LMOD2: variants seen among roughly 807,000 people sequenced by gnomAD.
LMOD2 encodes leiomodin-2.
LMOD2 carries 27 observed loss-of-function variants against 41.7 expected under a neutral mutation model. That is an observed-to-expected ratio of 0.65 (90% CI 0.48 to 0.89). The LOEUF is 0.89. LMOD2 is among the 40% of genes least tolerant of loss of function. The pLI, the probability that LMOD2 is intolerant of heterozygous loss-of-function variation, is 0.00. For missense variants in LMOD2, 624 were observed against 667.9 expected (o/e 0.93, Z 0.72); for synonymous variants, 251 against 244.6 (o/e 1.03, Z -0.25).
At position 123,662,918 on chromosome 7, in the gene LMOD2, T is replaced by C. The variant is rs1203392760; in HGVS notation, c.1332T>C (p.Pro444=). ...SSQRLPPPPP[P]PPPPLPEKKL... is the part of the protein sequence containing the mutation. Reference sequence around the variant, plus strand: ...AAAGGCTGCCACCACCTCCTCCTCCTCCCCCTCCTCCACTCCCAGAGAAAA... The same window carrying C: ...AAAGGCTGCCACCACCTCCTCCTCCCCCCCCTCCTCCACTCCCAGAGAAAA... The change falls in exon 2 of 3, where the codon CCT becomes CCC. Residue 444 remains proline (P), a synonymous_variant. Coordinates refer to ENST00000458573, the MANE Select transcript of LMOD2 (RefSeq NM_207163.3). The surrounding 1 kb of genome is among the most constrained non-coding windows in gnomAD (Gnocchi z 4.0). The C allele has an allele frequency of 5.4e-6, 7 of 1,287,712 alleles. No individual in the cohort carries two copies. The African/African-American group carries it at 1.4e-4, about 25-fold the overall frequency. The allele number at this position is 1,287,712 out of a possible 1,614,324, so 79.8% of individuals were successfully genotyped here.
rs917052173 is a variant in LMOD2 at position 123,663,202 on chromosome 7, G to A, written c.1616G>A (p.Arg539Gln). 27 of 1,561,728 alleles carry A rather than the reference G, an allele frequency of 1.7e-5. No individual in the cohort carries two copies. Among genetic ancestry groups the A allele is most frequent in the Middle Eastern group, 1.7e-4 (1 of 5,998 alleles). ...GGAAGCAGCATAAAACAGCTAAAGCGGGTAAGTAACCAGAGAACAGACATA... is the reference window on the plus strand; with the variant it reads ...GGAAGCAGCATAAAACAGCTAAAGCAGGTAAGTAACCAGAGAACAGACATA... ...IRGSSIKQLK[R>Q]VEVPEALR Residue 539 changes from arginine to glutamine, a missense_variant and splice_region_variant, in exon 2 of 3, where the codon CGG (arginine) becomes CAG (glutamine). Arg to Gln is a conservative substitution (Grantham distance 43). Coordinates refer to ENST00000458573, the MANE Select transcript of LMOD2 (RefSeq NM_207163.3).
rs1221606563 is a variant in LMOD2 at position 123,662,251 on chromosome 7, A to G, written c.665A>G (p.Glu222Gly). The change falls in exon 2 of 3, where the codon GAG becomes GGG. Residue 222 changes from glutamate to glycine, a missense_variant. Glu to Gly is a moderately conservative substitution (Grantham distance 98). Transcript: ENST00000458573. The surrounding 1 kb of genome is among the most constrained non-coding windows in gnomAD (Gnocchi z 4.0). Reference sequence around the variant, plus strand: ...ACAGAAGTCAATTTGAACAACATTGAGAACATCACAACACAGACCCTTACC... The same window carrying G: ...ACAGAAGTCAATTTGAACAACATTGGGAACATCACAACACAGACCCTTACC... ...DTTEVNLNNI[E>G]NITTQTLTRF... The G allele has an allele frequency of 6.2e-7, 1 of 1,614,028 alleles. No homozygotes were observed. Among genetic ancestry groups the G allele is most frequent in the East Asian group, 2.2e-5 (1 of 44,872 alleles).
At chr7:123,659,475 G>A (rs576957140) in intron 1 of LMOD2, among the ~76,000 whole-genome samples, 11 of 152,214 alleles carry the variant, frequency 7.2e-5, no homozygotes, top group South Asian at 2.1e-4. Context: ...CAGATTGTCC[G>A]GAACTATCTA....
At position 123,662,346 on chromosome 7, in the gene LMOD2, G is replaced by A. The variant is rs1013882148; in HGVS notation, c.760G>A (p.Asp254Asn). 3.7e-6 allele frequency: 6 copies of A among 1,613,968 alleles called. No individual in the cohort carries two copies. The highest frequency in any genetic ancestry group is 1.3e-5 in the African/African-American group (1 of 75,032). Residue 254 changes from aspartate to asparagine, a missense_variant, in exon 2 of 3, where the codon GAC (aspartate) becomes AAC (asparagine). Physicochemically the swap from Asp to Asn is conservative, Grantham distance 23. Coordinates refer to ENST00000458573, the MANE Select transcript of LMOD2 (RefSeq NM_207163.3). The surrounding 1 kb of genome is among the most constrained non-coding windows in gnomAD (Gnocchi z 4.0). Reference sequence around the variant, plus strand: ...CAGTCTGGCCAACACGCATGCCGACGACAGTGCAGCCATGGCCATTGCAGA... The same window carrying A: ...CAGTCTGGCCAACACGCATGCCGACAACAGTGCAGCCATGGCCATTGCAGA... ...TFSLANTHADDSAAMAIAEML... is the reference protein window; with the variant it reads ...TFSLANTHADNSAAMAIAEML...
Position 123,656,149 on chromosome 7 carries a change from G to A in LMOD2, c.186G>A (p.Gly62=), listed in dbSNP as rs775401249. 7 of 1,609,774 alleles carry A rather than the reference G, an allele frequency of 4.3e-6. No homozygotes were observed. The Admixed American group carries it at 1.0e-4, about 23-fold the overall frequency. Reference sequence around the variant, plus strand: ...GCCTGACAGAGAAAACCCCCACAGGGACATTCAGCAGAGAGGCACTGATGG... The same window carrying A: ...GCCTGACAGAGAAAACCCCCACAGGAACATTCAGCAGAGAGGCACTGATGG... The part of the protein sequence containing the change: ...QKSLTEKTPT[G]TFSREALMAY... Residue 62 remains glycine, a synonymous_variant, in exon 1 of 3, where the codon GGG becomes GGA. Coordinates refer to ENST00000458573, the MANE Select transcript of LMOD2 (RefSeq NM_207163.3).
chr7:123,664,080 A>T lies in LMOD2; in HGVS notation c.*335A>T. 4 of 241,274 alleles carry T rather than the reference A, an allele frequency of 1.7e-5. No homozygotes were observed. 14.9% of individuals were successfully genotyped at this position (241,274 alleles called of 1,614,324 possible). Reference sequence around the variant, plus strand: ...TTGTAATCTCAATAAATGTGGATTGAAGTTTTTTCCCTTTTTTTAAAGCCA... The same window carrying T: ...TTGTAATCTCAATAAATGTGGATTGTAGTTTTTTCCCTTTTTTTAAAGCCA... On this transcript the variant is annotated 3_prime_UTR_variant, in exon 3 of 3. Coordinates refer to ENST00000458573, the MANE Select transcript of LMOD2 (RefSeq NM_207163.3).
intron 1 of LMOD2, among the ~76,000 whole-genome samples, chr7:123,660,635 G>A (rs1031930055): frequency 1.3e-5 from 2 of 151,664 alleles, no homozygotes; most frequent in Non-Finnish European, 2.9e-5. Context: ...AGGGCCTGGA[G>A]GACAGGGCAG....
intron 2 of LMOD2, 162 bp downstream of exon 2, chr7:123,663,365 C>G (rs1286750417): frequency 8.4e-5 from 72 of 861,568 alleles, no homozygotes; most frequent in Non-Finnish European, 1.2e-4. Flanking sequence ...GGAGCAGGCA[C>G]ACAAGTGAGC....
rs777407621 is a variant in LMOD2 at position 123,656,224 on chromosome 7, G to A, written c.261G>A (p.Gly87=). The A allele has an allele frequency of 6.2e-7, 1 of 1,606,736 alleles. No homozygotes were observed. The highest frequency in any genetic ancestry group is 8.5e-7 in the Non-Finnish European group (1 of 1,176,940). Residue 87 remains glycine, a synonymous_variant, in exon 1 of 3, where the codon GGG becomes GGA. Coordinates refer to ENST00000458573, the MANE Select transcript of LMOD2 (RefSeq NM_207163.3). ...SQKLLEKERL[G]ECGKVAEDKE... is the part of the protein sequence containing the mutation. ...AACTCTTGGAGAAGGAGAGGCTGGGGGAATGTGGAAAGGTAGGCTCTCGGG... is the reference window on the plus strand; with the variant it reads ...AACTCTTGGAGAAGGAGAGGCTGGGAGAATGTGGAAAGGTAGGCTCTCGGG...
At chr7:123,660,744 T>TA (rs1170853592) in intron 1 of LMOD2, among the ~76,000 whole-genome samples, 2 of 151,546 alleles carry the variant, frequency 1.3e-5, no homozygotes, top group East Asian at 1.9e-4. Flanking sequence ...TTTTTTTTTT[T>TA]AATCAGAAAA....
chr7:123,663,142 G>T lies in LMOD2; in HGVS notation c.1556G>T (p.Arg519Ile), dbSNP rs796557018. Residue 519 changes from arginine (R) to isoleucine (I), a missense_variant, in exon 2 of 3, where the codon AGA becomes ATA. Physicochemically the swap from Arg to Ile is moderately conservative, Grantham distance 97. Transcript: ENST00000458573. Reference sequence around the variant, plus strand: ...AGTTCCCGACCTTCTACCCCACAGAGATCAGCTCATGAGAATCTCATGGAA... The same window carrying T: ...AGTTCCCGACCTTCTACCCCACAGATATCAGCTCATGAGAATCTCATGGAA... ...EDSSRPSTPQ[R>I]SAHENLMEAI... 4 of 1,570,024 alleles carry T rather than the reference G, an allele frequency of 2.5e-6. No homozygotes were observed. The highest frequency in any genetic ancestry group is 3.5e-6 in the Non-Finnish European group (4 of 1,157,336).
rs560254502 is a variant in LMOD2, at chr7:123,661,803, T to C, written c.274-57T>C. Reference sequence around the variant, plus strand: ...TGTGCTACTTTTGCAAGTTAAAAAATGTACTTAAAAATGGTATCATTTTTA... The same window carrying C: ...TGTGCTACTTTTGCAAGTTAAAAAACGTACTTAAAAATGGTATCATTTTTA... On this transcript the variant is annotated intron_variant, in intron 1 of 2. Coordinates refer to ENST00000458573, the MANE Select transcript of LMOD2 (RefSeq NM_207163.3). The C allele has an allele frequency of 4.2e-6, 5 of 1,185,730 alleles. No homozygotes were observed. In the East Asian group the frequency reaches 1.3e-4, roughly 31 times the overall value. 73.5% of individuals were successfully genotyped at this position (1,185,730 alleles called of 1,614,324 possible). A position where few individuals can be genotyped will look rare whatever the true frequency, so the allele number is the denominator to read the frequency against.
chr7:123,656,324 T>A, intron 1 of LMOD2, 88 bp downstream of exon 1: 1 of 1,349,634 alleles, frequency 7.4e-7, no homozygotes, highest in Non-Finnish European at 1.0e-6. Context: ...AACTTCTCAA[T>A]CCTCATCACT....
intron 1 of LMOD2, among the ~76,000 whole-genome samples, chr7:123,660,781 G>T (rs1176922725): frequency 1.3e-5 from 2 of 151,882 alleles, no homozygotes. Flanking sequence ...GAAACAAGGG[G>T]TCACTTGAGC....
At chr7:123,660,704 G>C (rs1444373671) in intron 1 of LMOD2, among the ~76,000 whole-genome samples, 2 of 151,164 alleles carry the variant, frequency 1.3e-5, no homozygotes, top group African/African-American at 4.9e-5. Context: ...AGGAGAAAAA[G>C]ATTAGACTCT....
At position 123,663,831 on chromosome 7, in the gene LMOD2, A is replaced by G; in HGVS notation, c.*86A>G. 1 of 1,071,030 alleles carries G rather than the reference A, an allele frequency of 9.3e-7. No homozygotes were observed. Among genetic ancestry groups the G allele is most frequent in the Non-Finnish European group, 1.4e-6 (1 of 734,150 alleles). The allele number at this position is 1,071,030 out of a possible 1,614,324, so 66.3% of individuals were successfully genotyped here. On this transcript the variant is annotated 3_prime_UTR_variant, in exon 3 of 3. Transcript: ENST00000458573. ...GAGATGTTTCTAAAATACCTTCTTC[A>G]ATTCAAAATGATCCCTGACTTTAAA...
Position 123,656,219 on chromosome 7 carries a change from C to A in LMOD2, c.256C>A (p.Leu86Met). The A allele has an allele frequency of 6.2e-7, 1 of 1,607,752 alleles. No individual in the cohort carries two copies. The highest frequency in any genetic ancestry group is 8.5e-7 in the Non-Finnish European group (1 of 1,177,354). Reference sequence around the variant, plus strand: ...CCAAAAACTCTTGGAGAAGGAGAGGCTGGGGGAATGTGGAAAGGTAGGCTC... The same window carrying A: ...CCAAAAACTCTTGGAGAAGGAGAGGATGGGGGAATGTGGAAAGGTAGGCTC... ...ESQKLLEKER[L>M]GECGKVAEDK... The change falls in exon 1 of 3, where the codon CTG (leucine) becomes ATG (methionine). Residue 86 changes from leucine to methionine, a missense_variant. By Grantham distance (15) the Leu-to-Met change is conservative. Transcript: ENST00000458573.
At chr7:123,661,733 A>C (rs1426057424) in intron 1 of LMOD2, 127 bp from the exon 2 acceptor site, 1 of 602,624 alleles carries the variant, frequency 1.7e-6, no homozygotes, top group Non-Finnish European at 2.8e-6. Flanking sequence ...GAATGGAAGC[A>C]GAGGATTATT....
rs750069416 is a variant in LMOD2, at chr7:123,662,164, G to C, written c.578G>C (p.Cys193Ser). The C allele has an allele frequency of 3.1e-6, 5 of 1,613,860 alleles. No individual in the cohort carries two copies. Among genetic ancestry groups the C allele is most frequent in the Non-Finnish European group, 3.4e-6 (4 of 1,179,842 alleles). ...NTESPAAIHP[C>S]GNPTVIEDAL... The stretch of plus-strand genomic sequence containing the variant: ...GAGTCCCCAGCTGCCATTCACCCTT[G>C]TGGAAATCCTACAGTGATTGAGGAC... Residue 193 changes from cysteine (C) to serine (S), a missense_variant, in exon 2 of 3, where the codon TGT becomes TCT. Coordinates refer to ENST00000458573, the MANE Select transcript of LMOD2 (RefSeq NM_207163.3). The surrounding 1 kb of genome is among the most constrained non-coding windows in gnomAD (Gnocchi z 4.0).
Sources: gnomAD v4.1 joint callset for allele counts (sites outside exome capture counted in the v4.1 genomes callset) on GRCh38, gnomAD v4.1.1 for gene constraint, Gnocchi (gnomAD v3.1) non-coding constraint, MANE v1.5 for transcripts, NCBI Gene and HGNC (gene_info 2026-07-23, HGNC 2026-07-21) for gene names.